TJP1: variants seen among roughly 807,000 people sequenced by gnomAD.
TJP1 encodes the protein tight junction protein ZO-1.
TJP1 carries 43 observed loss-of-function variants against 194.2 expected under a neutral mutation model. The observed-to-expected ratio is 0.22, with a 90% confidence interval of 0.17 to 0.29. The LOEUF is 0.29. Among genes scored for constraint, TJP1 ranks in the 10% least tolerant of loss-of-function variants. TJP1 has a pLI of 1.00. For missense variants in TJP1, 1,971 were observed against 2,185.7 expected (o/e 0.90, Z 1.96); for synonymous variants, 801 against 779.0 (o/e 1.03, Z -0.47).
chr15:29,726,751 C>A (rs757606203), intron 17 of TJP1, 30 bp downstream of exon 17: 1 of 1,600,494 alleles, frequency 6.2e-7, no homozygotes, highest in East Asian at 2.2e-5. Context: ...ACATTGTAAG[C>A]TGAAAGAAGG....
intron 2 of TJP1, among the ~76,000 whole-genome samples, chr15:29,891,450 G>A (rs780842082): frequency 1.2e-4 from 18 of 152,168 alleles, no homozygotes; most frequent in Non-Finnish European, 2.4e-4. Context: ...TTCCCATCTT[G>A]TAGAGTTCAG....
chr15:29,799,826 C>T (rs1445270118), intron 2 of TJP1, among the ~76,000 whole-genome samples: 1 of 152,164 alleles, frequency 6.6e-6, no homozygotes, highest in Non-Finnish European at 1.5e-5. Context: ...TTCCCCTTTC[C>T]ATCTTCCTAA....
At chr15:29,920,824 G>A (rs28720730) in intron 2 of TJP1, among the ~76,000 whole-genome samples, 2,638 of 152,232 alleles carry the variant, frequency 0.017, 41 homozygotes, top group Admixed American at 0.024. Flanking sequence ...CTGAAGTCAA[G>A]GAACATCTTA....
Position 29,718,293 on chromosome 15 carries a change from C to T in TJP1, c.3849G>A (p.Lys1283=). The T allele has an allele frequency of 1.2e-6, 2 of 1,613,742 alleles. No homozygotes were observed. Among genetic ancestry groups the T allele is most frequent in the East Asian group, 2.2e-5 (1 of 44,866 alleles). The change falls in exon 21 of 28, where the codon AAG becomes AAA. Residue 1283 remains lysine, a synonymous_variant. Transcript: ENST00000614355. ...NKRSASLETK[K]DVNDTGSFKP... ...TAAAACTGCCAGTGTCATTTACATC[C>T]TTCTTGGTCTCTAAGGATGCAGATC...
intron 11 of TJP1, 70 bp from the exon 12 acceptor site, chr15:29,734,452 G>T: frequency 1.8e-6 from 2 of 1,086,228 alleles, no homozygotes; most frequent in Non-Finnish European, 2.7e-6. Context: ...GCAGGACACA[G>T]ATACTCTCAG....
intron 2 of TJP1, among the ~76,000 whole-genome samples, chr15:29,791,767 C>T (rs1450664879): frequency 6.6e-6 from 1 of 152,032 alleles, no homozygotes; most frequent in East Asian, 1.9e-4. Context: ...CTTTTTTCTG[C>T]CTGCTCACTA....
chr15:29,821,931 C>A, intron 1 of TJP1, 71 bp downstream of exon 1: 1 of 1,183,780 alleles, frequency 8.4e-7, no homozygotes, highest in East Asian at 3.6e-5. Flanking sequence ...GGGCGGGACG[C>A]GGGCCAGATG....
chr15:29,774,623 A>G lies in TJP1; in HGVS notation c.85-1266T>C, dbSNP rs1356160620. On this transcript the variant is annotated intron_variant, in intron 2 of 27. Coordinates refer to ENST00000614355, the MANE Select transcript of TJP1 (RefSeq NM_001330239.4). Reference sequence around the variant, plus strand: ...CAGGGATTGGAGGGGGTGATAATTCAATGGGAGGTGTTTTTTTTTTCCCCA... The same window carrying G: ...CAGGGATTGGAGGGGGTGATAATTCGATGGGAGGTGTTTTTTTTTTCCCCA... Among the ~76,000 whole-genome samples the G allele has an allele frequency of 2.0e-5, 3 of 152,062 alleles. No homozygotes were observed. In the East Asian group the frequency reaches 5.8e-4, roughly 29 times the overall value.
chr15:29,906,417 G>A lies in TJP1; in HGVS notation c.306+49815C>T, dbSNP rs185647885. ...GAACCCAGGAAGCGGAGGTTGAGCC[G>A]AGATCGCACCATTGCACTCCAGCCT... On this transcript the variant is annotated intron_variant, in intron 2 of 28. Coordinates refer to the TJP1 transcript ENST00000356107. Among the ~76,000 whole-genome samples the A allele has an allele frequency of 7.6e-3, 1,139 of 150,542 alleles. 10 individuals are homozygous for A. The highest frequency in any genetic ancestry group is 0.026 in the African/African-American group (1,058 of 40,838).
chr15:29,862,536 AG>A (rs1186367979), intron 2 of TJP1, among the ~76,000 whole-genome samples: 2 of 152,160 alleles, frequency 1.3e-5, no homozygotes, highest in Admixed American at 1.3e-4. Flanking sequence ...CAAGATCTTA[AG>A]TTGAGGCAAA....
intron 26 of TJP1, among the ~76,000 whole-genome samples, chr15:29,704,774 A>T (rs1236806746): frequency 6.6e-6 from 1 of 152,204 alleles, no homozygotes; most frequent in Non-Finnish European, 1.5e-5. Context: ...TTCCATTTTC[A>T]AAATGTTTTG....
rs1382585820 is a variant in TJP1 at position 29,872,775 on chromosome 15, CT to C, written c.307-72074del. 3.9e-5 allele frequency among the ~76,000 whole-genome samples: 6 copies of C among 152,334 alleles called. No individual in the cohort carries two copies. In the East Asian group the frequency reaches 9.6e-4, roughly 24 times the overall value. On this transcript the variant is annotated intron_variant, in intron 2 of 28. Coordinates refer to the TJP1 transcript ENST00000356107. Reference sequence around the variant, plus strand: ...CTGCACCAAGGGCTTGGTGTCCCCTCTTTGGAGAAGCCACCACACAGAAAGG... The same window carrying C: ...CTGCACCAAGGGCTTGGTGTCCCCTCTTGGAGAAGCCACCACACAGAAAGG...
rs116704240 is a variant in TJP1 at position 29,742,978 on chromosome 15, A to G, written c.1011-197T>C. ...AAAACCAAATAGATTCATGTAATAA[A>G]ATCGAAAATGAAGAAATATATCTAT... On this transcript the variant is annotated intron_variant, in intron 8 of 27. Transcript: ENST00000614355. 402 of 408,194 alleles carry G rather than the reference A, an allele frequency of 9.8e-4. 1 individual carries two copies. The highest frequency in any genetic ancestry group is 7.3e-3 in the African/African-American group (356 of 48,894). The allele number at this position is 408,194 out of a possible 1,614,324, so 25.3% of individuals were successfully genotyped here.
At chr15:29,962,093 G>A (rs547803303) in intron 1 of TJP1, among the ~76,000 whole-genome samples, 9 of 152,222 alleles carry the variant, frequency 5.9e-5, no homozygotes, top group Non-Finnish European at 7.4e-5. Context: ...CATGGGACTC[G>A]GTCCTTAGCA....
At chr15:29,933,786 C>T (rs1423837729) in intron 2 of TJP1, among the ~76,000 whole-genome samples, 1 of 152,126 alleles carries the variant, frequency 6.6e-6, no homozygotes, top group East Asian at 1.9e-4. Flanking sequence ...TAAACAAAAA[C>T]ACAAATGCCT....
At chr15:29,755,919 T>C (rs1248536611) in intron 8 of TJP1, among the ~76,000 whole-genome samples, 2 of 152,148 alleles carry the variant, frequency 1.3e-5, no homozygotes, top group Admixed American at 1.3e-4. Flanking sequence ...TGCTTATGAC[T>C]AATCATGCTC....
rs972120949 is a variant in TJP1, at chr15:29,761,095, G to A, written c.1010+44C>T. ...AAGCAATTTCAGATACTGGTATCAA[G>A]CAAACAAAACCCCTGTATTTTTTAA... On this transcript the variant is annotated intron_variant, in intron 8 of 27. Transcript: ENST00000614355. 3 of 1,521,796 alleles carry A rather than the reference G, an allele frequency of 2.0e-6. No individual in the cohort carries two copies. The African/African-American group carries it at 4.2e-5, about 22-fold the overall frequency. The allele number at this position is 1,521,796 out of a possible 1,614,324, so 94.3% of individuals were successfully genotyped here.
At position 29,842,877 on chromosome 15, in the gene TJP1, G is replaced by A. The variant is rs569926536; in HGVS notation, c.307-42175C>T. Among the ~76,000 whole-genome samples the A allele has an allele frequency of 8.5e-5, 13 of 152,226 alleles. No individual in the cohort carries two copies. In the South Asian group the frequency reaches 2.3e-3, roughly 27 times the overall value. ...AAATGTTGAATTATCCTGTTTTCAC[G>A]CAAGCAAAGTTGCATAATGGTCTTG... On this transcript the variant is annotated intron_variant, in intron 2 of 28. Transcript: ENST00000356107.
rs1001437691 is a variant in TJP1, at chr15:29,908,912, T to C, written c.306+47320A>G. On this transcript the variant is annotated intron_variant, in intron 2 of 28. Coordinates refer to the TJP1 transcript ENST00000356107. ...GCTCACGCCTGTAGTCCCAGCACTT[T>C]GGGAGGCCAAGGCGGGCGGATCACG... Among the ~76,000 whole-genome samples, 12 of 151,954 alleles carry C rather than the reference T, an allele frequency of 7.9e-5. 1 individual carries two copies. The highest frequency in any genetic ancestry group is 2.9e-4 in the African/African-American group (12 of 41,366).
Sources: allele counts gnomAD v4.1 joint callset (sites outside exome capture counted in the v4.1 genomes callset), GRCh38; gene constraint gnomAD v4.1.1; transcripts MANE v1.5; gene names NCBI Gene and HGNC (gene_info 2026-07-23, HGNC 2026-07-21).